The following SCGN variants were observed in gnomAD, a reference collection of about 807,000 sequenced individuals.
SCGN encodes the protein secretagogin, EF-hand calcium binding protein, also known as secretagogin.
SCGN carries 30 observed loss-of-function variants against 39.7 expected under a neutral mutation model. The observed-to-expected ratio is 0.76, with a 90% CI of 0.57 to 1.03. SCGN has a LOEUF of 1.03. Among genes scored for constraint, SCGN ranks in the 50% least tolerant of loss-of-function variants. SCGN has a pLI of 0.00. For missense variants in SCGN, 353 were observed against 349.4 expected, an observed-to-expected ratio of 1.01 and a Z score of -0.08; for synonymous variants, 106 against 114.1, an observed-to-expected ratio of 0.93 and a Z score of 0.45.
intron 3 of SCGN, among the ~76,000 whole-genome samples, chr6:25,662,489 A>G (rs1006166970): frequency 6.6e-6 from 1 of 152,202 alleles, no homozygotes; most frequent in Non-Finnish European, 1.5e-5. Flanking sequence ...ATTTTTTCAT[A>G]GTCAAAATTG....
chr6:25,659,780 T>G (rs751080345), intron 2 of SCGN, among the ~76,000 whole-genome samples: 10 of 151,986 alleles, frequency 6.6e-5, no homozygotes, highest in Non-Finnish European at 1.5e-4. Flanking sequence ...GAGAGCAACA[T>G]GTTGTGCCAG....
intron 4 of SCGN, among the ~76,000 whole-genome samples, chr6:25,666,349 C>T (rs539812297): frequency 2.0e-5 from 3 of 151,720 alleles, no homozygotes; most frequent in South Asian, 2.1e-4. Flanking sequence ...GAGGGAAACT[C>T]GGTCTCAAAA....
chr6:25,677,695 C>A (rs922247658), intron 6 of SCGN, among the ~76,000 whole-genome samples: 1 of 152,040 alleles, frequency 6.6e-6, no homozygotes, highest in African/African-American at 2.4e-5. Flanking sequence ...TAAAAAGTTT[C>A]TGGAAGGATA....
intron 10 of SCGN, among the ~76,000 whole-genome samples, chr6:25,699,462 C>T (rs1759879478): frequency 6.6e-6 from 1 of 151,470 alleles, no homozygotes; most frequent in South Asian, 2.1e-4. Flanking sequence ...TGGTGGTGGG[C>T]ACCTGTAATC....
intron 6 of SCGN, chr6:25,678,845 C>A: frequency 1.3e-5 from 2 of 155,152 alleles, no homozygotes; most frequent in South Asian, 3.7e-4. Context: ...CCGCAGCTGT[C>A]AGTGCTGTCT....
intron 6 of SCGN, among the ~76,000 whole-genome samples, chr6:25,672,824 G>T (rs749876308): frequency 2.6e-5 from 4 of 152,212 alleles, no homozygotes; most frequent in Admixed American, 1.3e-4. Flanking sequence ...GGTGATGGAA[G>T]ATGGCAACTT....
At chr6:25,700,908 C>T (rs1208664584) in intron 10 of SCGN, among the ~76,000 whole-genome samples, 1 of 152,128 alleles carries the variant, frequency 6.6e-6, no homozygotes, top group African/African-American at 2.4e-5. Flanking sequence ...GCCTACTTTG[C>T]GGCAAAGTAT....
intron 7 of SCGN, among the ~76,000 whole-genome samples, chr6:25,682,759 C>T (rs1215434686): frequency 6.6e-6 from 1 of 152,092 alleles, no homozygotes; most frequent in South Asian, 2.1e-4. Context: ...CAGGCTGCAG[C>T]GCAGCAGCAG....
chr6:25,682,234 C>T (rs995096336), intron 7 of SCGN, among the ~76,000 whole-genome samples: 7 of 152,202 alleles, frequency 4.6e-5, no homozygotes, highest in Admixed American at 4.6e-4. Context: ...AACATTTTCA[C>T]AAATGTTATG....
intron 6 of SCGN, among the ~76,000 whole-genome samples, chr6:25,673,588 G>A (rs1759527524): frequency 6.6e-6 from 1 of 152,180 alleles, no homozygotes; most frequent in Non-Finnish European, 1.5e-5. Flanking sequence ...CTCACCCAAT[G>A]TTTAAGTATC....
chr6:25,675,078 T>C (rs1759547465), intron 6 of SCGN, among the ~76,000 whole-genome samples: 1 of 152,180 alleles, frequency 6.6e-6, no homozygotes, highest in South Asian at 2.1e-4. Flanking sequence ...TAGGCTGACT[T>C]GTCCCAGAGG....
At chr6:25,659,944 C>CA (rs917334743) in intron 2 of SCGN, among the ~76,000 whole-genome samples, 37 of 151,090 alleles carry the variant, frequency 2.4e-4, no homozygotes, top group Admixed American at 1.1e-3. Flanking sequence ...GTCAAGACTA[C>CA]AAAAAAAACA....
At position 25,698,100 on chromosome 6, in the gene SCGN, T is replaced by G. The variant is rs563783839; in HGVS notation, c.703-3107T>G. ...TAAAAACTGTTGTTAAGACTGAGGC[T>G]CTAAAGGTTTCTGGTGATTTGTCTT... On this transcript the variant is annotated intron_variant, in intron 10 of 10. Coordinates refer to ENST00000377961, the MANE Select transcript of SCGN (RefSeq NM_006998.4). 1.5e-4 allele frequency among the ~76,000 whole-genome samples: 23 copies of G among 152,338 alleles called. 1 individual carries two copies. The highest frequency in any genetic ancestry group is 7.8e-4 in the Admixed American group (12 of 15,298).
intron 7 of SCGN, among the ~76,000 whole-genome samples, chr6:25,688,166 G>T (rs757857771): frequency 5.8e-4 from 89 of 152,238 alleles, no homozygotes; most frequent in Non-Finnish European, 9.4e-4. Context: ...CGCTCCTGGT[G>T]CTCTTTATTG....
At chr6:25,682,444 GT>G (rs1759648808) in intron 7 of SCGN, among the ~76,000 whole-genome samples, 1 of 152,178 alleles carries the variant, frequency 6.6e-6, no homozygotes, top group Admixed American at 6.5e-5. Flanking sequence ...GAGGCACCAA[GT>G]GTCTGAAGGC....
intron 10 of SCGN, among the ~76,000 whole-genome samples, chr6:25,696,860 G>A (rs983729007): frequency 3.3e-5 from 5 of 152,128 alleles, no homozygotes; most frequent in Non-Finnish European, 5.9e-5. Context: ...GGGACTTAAC[G>A]TGCTGCCATC....
chr6:25,671,037 AAG>A (rs35053431), intron 6 of SCGN, among the ~76,000 whole-genome samples: 19,335 of 152,226 alleles, frequency 0.13, 1,477 homozygotes, highest in South Asian at 0.18. Context: ...TTATTATATA[AAG>A]AGTTATTGAG....
intron 8 of SCGN, 24 bp downstream of exon 8, chr6:25,689,241 T>A: frequency 6.5e-7 from 1 of 1,528,026 alleles, no homozygotes; most frequent in Non-Finnish European, 9.0e-7. Flanking sequence ...TTTCTCTAGA[T>A]GGGTTTATGT....
intron 2 of SCGN, 35 bp from the exon 3 acceptor site, chr6:25,661,517 G>A (rs1760336794): frequency 2.8e-6 from 4 of 1,412,838 alleles, no homozygotes; most frequent in South Asian, 2.3e-5. Flanking sequence ...TGAGATTCCA[G>A]TGGCTTTAAT....
Sources: gnomAD v4.1 joint callset for allele counts (sites outside exome capture counted in the v4.1 genomes callset) on GRCh38, gnomAD v4.1.1 for gene constraint, MANE v1.5 for transcripts, NCBI Gene and HGNC (gene_info 2026-07-23, HGNC 2026-07-21) for gene names.